TOLLIP: variants seen among roughly 807,000 people sequenced by gnomAD.
TOLLIP encodes toll-interacting protein.
In TOLLIP, 16 loss-of-function variants were observed where a neutral mutation model predicts 33.5. The ratio of observed to expected loss-of-function variants is 0.48; its 90% confidence interval spans 0.32 to 0.72. The LOEUF (loss-of-function observed/expected upper bound fraction) is 0.72, where lower values mean the gene tolerates loss of function less well. TOLLIP is among the 30% of genes least tolerant of loss of function. TOLLIP has a pLI of 0.03. For missense variants in TOLLIP, 325 were observed against 396.6 expected (o/e 0.82, Z 1.53); for synonymous variants, 176 against 163.7 (o/e 1.07, Z -0.57).
chr11:1,280,777 G>A (rs917387857), intron 5 of TOLLIP, among the ~76,000 whole-genome samples: 6 of 152,140 alleles, frequency 3.9e-5, no homozygotes, highest in African/African-American at 9.7e-5. Flanking sequence ...AGGACAGCGC[G>A]GCCGGCACCA....
intron 5 of TOLLIP, among the ~76,000 whole-genome samples, chr11:1,279,211 G>A (rs1863411522): frequency 6.6e-6 from 1 of 152,248 alleles, no homozygotes; most frequent in Non-Finnish European, 1.5e-5. Context: ...GCCCTCAAGT[G>A]AATCCCAACA....
At chr11:1,279,414 G>A (rs1037511308) in intron 5 of TOLLIP, among the ~76,000 whole-genome samples, 2 of 152,228 alleles carry the variant, frequency 1.3e-5, no homozygotes, top group Non-Finnish European at 2.9e-5. Flanking sequence ...CTCCGGGAAC[G>A]GTGAGCGTAT....
chr11:1,288,798 G>A (rs527725597), intron 3 of TOLLIP, 22 bp from the exon 4 acceptor site: 4 of 1,606,854 alleles, frequency 2.5e-6, no homozygotes, highest in East Asian at 4.5e-5. Flanking sequence ...AAGAGGGAGA[G>A]GCCCCAGGCA....
rs1047923484 is a variant in TOLLIP, at chr11:1,275,382, A to C, written c.*1657T>G. On this transcript the variant is annotated 3_prime_UTR_variant, in exon 6 of 6. Transcript: ENST00000317204. ...GGTCTGTCCTGGGTTAGAGTTGTTAATATCACGGAACATACCATCTAGAAC... is the reference window on the plus strand; with the variant it reads ...GGTCTGTCCTGGGTTAGAGTTGTTACTATCACGGAACATACCATCTAGAAC... The C allele has an allele frequency of 1.3e-5, 2 of 152,210 alleles. No homozygotes were observed. Among genetic ancestry groups the C allele is most frequent in the Non-Finnish European group, 2.9e-5 (2 of 68,038 alleles). The allele number at this position is 152,210 out of a possible 1,614,324, so 9.4% of individuals were successfully genotyped here. A position where few individuals can be genotyped will look rare whatever the true frequency, so the allele number is the denominator to read the frequency against.
chr11:1,286,979 C>A (rs1409147785), intron 4 of TOLLIP, among the ~76,000 whole-genome samples: 3 of 152,288 alleles, frequency 2.0e-5, no homozygotes, highest in South Asian at 2.1e-4. Context: ...TAAGTCACTG[C>A]ACCGCGGTTG....
rs770286623 is a variant in TOLLIP, at chr11:1,295,667, C to T, written c.161G>A (p.Arg54Gln). The T allele has an allele frequency of 1.9e-5, 31 of 1,594,524 alleles. No individual in the cohort carries two copies. Among genetic ancestry groups the T allele is most frequent in the Non-Finnish European group, 2.6e-5 (30 of 1,166,910 alleles). ...QYGGAVGTVGRLNITVVQAKL... is the reference protein window; with the variant it reads ...QYGGAVGTVGQLNITVVQAKL... ...CACCTGTACCACCGTGATGTTCAGT[C>T]GGCCCACGGTGCCCACTGCGCCTCC... The change falls in exon 2 of 6, where the codon CGA becomes CAA. Residue 54 changes from arginine (R) to glutamine (Q), a missense_variant. Coordinates refer to ENST00000317204, the MANE Select transcript of TOLLIP (RefSeq NM_019009.4).
chr11:1,277,318 G>A lies in TOLLIP; in HGVS notation c.611-65C>T. 1 of 1,330,872 alleles carries A rather than the reference G, an allele frequency of 7.5e-7. No homozygotes were observed. Among genetic ancestry groups the A allele is most frequent in the Non-Finnish European group, 1.0e-6 (1 of 985,602 alleles). 82.4% of individuals were successfully genotyped at this position (1,330,872 alleles called of 1,614,324 possible). A position where few individuals can be genotyped will look rare whatever the true frequency, so the allele number is the denominator to read the frequency against. On this transcript the variant is annotated intron_variant, in intron 5 of 5. Coordinates refer to ENST00000317204, the MANE Select transcript of TOLLIP (RefSeq NM_019009.4). This position sits in a 1 kb window ranked among gnomAD's most constrained non-coding sequence, Gnocchi z 4.2. Reference sequence around the variant, plus strand: ...TTCCAGAAGTGCCACACTAGCTCCTGCTGAAGGAAGAAAACAACGCATCCC... The same window carrying A: ...TTCCAGAAGTGCCACACTAGCTCCTACTGAAGGAAGAAAACAACGCATCCC...
rs138690831 is a variant in TOLLIP, at chr11:1,302,146, G to A, written c.34-6352C>T. Among the ~76,000 whole-genome samples, 236 of 152,380 alleles carry A rather than the reference G, an allele frequency of 1.5e-3. 4 individuals are homozygous for A. The highest frequency in any genetic ancestry group is 5.4e-3 in the African/African-American group (224 of 41,600). The stretch of plus-strand genomic sequence containing the variant: ...CTGCTAGGTTCACACCCAGGTCAGA[G>A]CTCAGTCTGGCCCAGGAGAAATGGC... On this transcript the variant is annotated intron_variant, in intron 1 of 5. Coordinates refer to ENST00000317204, the MANE Select transcript of TOLLIP (RefSeq NM_019009.4).
At chr11:1,289,748 G>A (rs898369183) in intron 3 of TOLLIP, among the ~76,000 whole-genome samples, 4 of 150,580 alleles carry the variant, frequency 2.7e-5, no homozygotes, top group African/African-American at 9.8e-5. Context: ...TGCGCCCAGC[G>A]GGGCGGACAC....
intron 5 of TOLLIP, among the ~76,000 whole-genome samples, chr11:1,285,255 C>T (rs1243483117): frequency 2.0e-5 from 3 of 152,240 alleles, no homozygotes; most frequent in Non-Finnish European, 4.4e-5. Context: ...GACCAGTGCT[C>T]TGCCTGGACA....
chr11:1,290,588 G>A lies in TOLLIP; in HGVS notation c.184-179C>T, dbSNP rs187834909. Reference sequence around the variant, plus strand: ...CTTCCCAGGAGGCCAGGAGCAAGAAGAGTGAGCCACAGATGGATCGTGCAG... The same window carrying A: ...CTTCCCAGGAGGCCAGGAGCAAGAAAAGTGAGCCACAGATGGATCGTGCAG... On this transcript the variant is annotated intron_variant, in intron 2 of 5. Transcript: ENST00000317204. The surrounding 1 kb of genome is among the most constrained non-coding windows in gnomAD (Gnocchi z 4.9). Among the ~76,000 whole-genome samples, 27 of 152,326 alleles carry A rather than the reference G, an allele frequency of 1.8e-4. No individual in the cohort carries two copies. The highest frequency in any genetic ancestry group is 6.3e-4 in the African/African-American group (26 of 41,566).
intron 5 of TOLLIP, among the ~76,000 whole-genome samples, chr11:1,283,814 G>A (rs991385849): frequency 6.6e-6 from 1 of 152,158 alleles, no homozygotes; most frequent in Admixed American, 6.5e-5. Context: ...GCCACAGAGC[G>A]CCCGGCCCAG....
intron 1 of TOLLIP, among the ~76,000 whole-genome samples, chr11:1,301,483 G>C (rs5743905): frequency 0.062 from 9,376 of 151,796 alleles, 338 homozygotes; most frequent in Admixed American, 0.11. Context: ...CATGTGCTGG[G>C]ACACCCAGAA....
rs1266747317 is a variant in TOLLIP at position 1,283,167 on chromosome 11, G to A, written c.610+2835C>T. On this transcript the variant is annotated intron_variant, in intron 5 of 5. Coordinates refer to ENST00000317204, the MANE Select transcript of TOLLIP (RefSeq NM_019009.4). ...TAAACCTGCGCTGGGTGGAATCTGC[G>A]GTGGTGGCATCTGCCTGGGTAAAAT... is the stretch of plus-strand genomic sequence containing the variant. The A allele has an allele frequency of 4.4e-5, 9 of 204,422 alleles. No homozygotes were observed. The South Asian group carries it at 5.4e-4, about 12-fold the overall frequency. 12.7% of individuals were successfully genotyped at this position (204,422 alleles called of 1,614,324 possible).
Position 1,276,781 on chromosome 11 carries a change from G to A in TOLLIP, c.*258C>T, listed in dbSNP as rs948965278. 1.8e-5 allele frequency: 27 copies of A among 1,512,228 alleles called. No individual in the cohort carries two copies. Among genetic ancestry groups the A allele is most frequent in the African/African-American group, 8.3e-5 (6 of 72,650 alleles). The allele number at this position is 1,512,228 out of a possible 1,614,324, so 93.7% of individuals were successfully genotyped here. ...CCAGAACGGCATGAGAAGGAGAGAC[G>A]CACGTCCCAGGGACAGGAGAGCGCG... On this transcript the variant is annotated 3_prime_UTR_variant, in exon 6 of 6. Transcript: ENST00000317204.
rs3168046 is a variant in TOLLIP, at chr11:1,275,419, G to A, written c.*1620C>T. ...ATACCATCTAGAACGTTCCAGTCCCGCCTGACACCTTCATTCCCAATGGAG... is the reference window on the plus strand; with the variant it reads ...ATACCATCTAGAACGTTCCAGTCCCACCTGACACCTTCATTCCCAATGGAG... On this transcript the variant is annotated 3_prime_UTR_variant, in exon 6 of 6. Coordinates refer to ENST00000317204, the MANE Select transcript of TOLLIP (RefSeq NM_019009.4). The A allele has an allele frequency of 0.42, 64,027 of 151,840 alleles. 13,572 individuals carry two copies. Among genetic ancestry groups the A allele is most frequent in the South Asian group, 0.48 (2,320 of 4,808 alleles). 9.4% of individuals were successfully genotyped at this position (151,840 alleles called of 1,614,324 possible).
At chr11:1,294,031 C>A (rs1467862125) in intron 2 of TOLLIP, among the ~76,000 whole-genome samples, 35 of 152,276 alleles carry the variant, frequency 2.3e-4, no homozygotes, top group Non-Finnish European at 1.5e-5. Context: ...GATTCTTCTG[C>A]CTGCTGTATT....
chr11:1,290,330 G>A lies in TOLLIP; in HGVS notation c.263C>T (p.Thr88Met), dbSNP rs757526937. 11 of 1,613,480 alleles carry A rather than the reference G, an allele frequency of 6.8e-6. No homozygotes were observed. Among genetic ancestry groups the A allele is most frequent in the Admixed American group, 1.7e-5 (1 of 60,008 alleles). ...RLRLGYAVYE[T>M]PTAHNGAKNP... ...CTTGGCGCCATTGTGTGCCGTGGGC[G>A]TCTCGTACACCGCGTAGCCCAGGCG... is the stretch of plus-strand genomic sequence containing the variant. The change falls in exon 3 of 6, where the codon ACG becomes ATG. Residue 88 changes from threonine to methionine, a missense_variant. By Grantham distance (81) the Thr-to-Met change is moderately conservative. Transcript: ENST00000317204. The surrounding 1 kb of genome is among the most constrained non-coding windows in gnomAD (Gnocchi z 4.9).
At chr11:1,293,161 G>A (rs984233407) in intron 2 of TOLLIP, among the ~76,000 whole-genome samples, 1 of 152,238 alleles carries the variant, frequency 6.6e-6, no homozygotes, top group Non-Finnish European at 1.5e-5. Context: ...CAGCACGAGG[G>A]CTTTGGGCCT....
Sources: allele counts gnomAD v4.1 joint callset (sites outside exome capture counted in the v4.1 genomes callset), GRCh38; gene constraint gnomAD v4.1.1; non-coding constraint Gnocchi (gnomAD v3.1); transcripts MANE v1.5; gene names NCBI Gene and HGNC (gene_info 2026-07-23, HGNC 2026-07-21).